IPO7: variants seen among roughly 807,000 people sequenced by gnomAD.
The protein encoded by IPO7 is importin 7, also known as importin-7.
IPO7 carries 13 observed loss-of-function variants against 136.4 expected under a neutral mutation model. That is an observed-to-expected ratio of 0.10 (90% confidence interval 0.06 to 0.15). IPO7 has a LOEUF of 0.15. Among genes scored for constraint, IPO7 ranks in the 10% least tolerant of loss-of-function variants. IPO7 has a pLI of 1.00. For missense variants in IPO7, 857 were observed against 1,240.6 expected, an observed-to-expected ratio of 0.69 and a Z score of 4.65; for synonymous variants, 403 against 404.4, an observed-to-expected ratio of 1.00 and a Z score of 0.04.
At chr11:9,436,761 C>T (rs1855374529) in intron 20 of IPO7, among the ~76,000 whole-genome samples, 1 of 141,502 alleles carries the variant, frequency 7.1e-6, no homozygotes, top group Admixed American at 7.3e-5. Context: ...CTGCTGACTG[C>T]AACCAGATTC....
rs1855531028 is a variant in IPO7, at chr11:9,446,522, C to T, written c.*1328C>T. 1 of 152,138 alleles carries T rather than the reference C, an allele frequency of 6.6e-6. No homozygotes were observed. Among genetic ancestry groups the T allele is most frequent in the African/African-American group, 2.4e-5 (1 of 41,428 alleles). 9.4% of individuals were successfully genotyped at this position (152,138 alleles called of 1,614,324 possible). ...GAGGTTGGCTTGCTTCCCTCTCTTC[C>T]TAACTGCATGTTGAAAAATAAGCCG... On this transcript the variant is annotated 3_prime_UTR_variant, in exon 25 of 25. Coordinates refer to ENST00000379719, the MANE Select transcript of IPO7 (RefSeq NM_006391.3).
intron 3 of IPO7, among the ~76,000 whole-genome samples, chr11:9,409,499 C>T (rs575770708): frequency 6.6e-6 from 1 of 151,958 alleles, no homozygotes; most frequent in South Asian, 2.1e-4. Flanking sequence ...GTGGCCTCAG[C>T]CCCCGGAGTA....
chr11:9,427,510 T>A (rs911398479), intron 12 of IPO7, among the ~76,000 whole-genome samples: 2 of 152,198 alleles, frequency 1.3e-5, no homozygotes, highest in African/African-American at 4.8e-5. Flanking sequence ...TCCACCCGCC[T>A]CGGCTTCCCA....
chr11:9,410,424 T>G (rs1854952116), intron 4 of IPO7, among the ~76,000 whole-genome samples: 1 of 152,188 alleles, frequency 6.6e-6, no homozygotes, highest in African/African-American at 2.4e-5. Flanking sequence ...CAGAATACAT[T>G]GAGGATTAAA....
chr11:9,418,983 T>TA (rs772058002), intron 6 of IPO7, among the ~76,000 whole-genome samples: 11 of 152,252 alleles, frequency 7.2e-5, no homozygotes, highest in Non-Finnish European at 1.6e-4. Context: ...ATTGTATAGA[T>TA]ATATCACAAT....
At chr11:9,414,839 TG>T (rs1285971790) in intron 5 of IPO7, among the ~76,000 whole-genome samples, 1 of 151,902 alleles carries the variant, frequency 6.6e-6, no homozygotes, top group African/African-American at 2.4e-5. Context: ...TTGGTCATGC[TG>T]GTCTCGAACT....
intron 6 of IPO7, 41 bp from the exon 7 acceptor site, chr11:9,420,370 T>C (rs1855109884): frequency 4.7e-6 from 6 of 1,265,832 alleles, no homozygotes; most frequent in African/African-American, 1.5e-5. Flanking sequence ...GTTCCTCCTA[T>C]ATTGTATTAT....
At chr11:9,387,136 GAAGA>G (rs1854562039) in intron 1 of IPO7, among the ~76,000 whole-genome samples, 1 of 152,204 alleles carries the variant, frequency 6.6e-6, no homozygotes, top group African/African-American at 2.4e-5. Flanking sequence ...TTGCTTTGGA[GAAGA>G]TAGAAGAACG....
At chr11:9,441,576 G>A (rs1481325493) in intron 23 of IPO7, among the ~76,000 whole-genome samples, 1 of 152,190 alleles carries the variant, frequency 6.6e-6, no homozygotes. Context: ...AGCACAAAGT[G>A]CTGGTTTCTG....
At chr11:9,435,126 C>T (rs1855352065) in intron 19 of IPO7, 95 bp downstream of exon 19, 2 of 750,424 alleles carry the variant, frequency 2.7e-6, no homozygotes, top group Admixed American at 4.6e-5. Flanking sequence ...TAGTAATAAA[C>T]ATGTAAACAT....
chr11:9,420,287 T>C (rs1344864117), intron 6 of IPO7, 124 bp from the exon 7 acceptor site: 2 of 632,076 alleles, frequency 3.2e-6, no homozygotes, highest in Admixed American at 2.9e-5. Context: ...AGAGCAAGAC[T>C]CCATCTCAAA....
chr11:9,428,667 T>C, intron 13 of IPO7, 38 bp downstream of exon 13: 1 of 1,062,700 alleles, frequency 9.4e-7, no homozygotes, highest in East Asian at 2.4e-5. Context: ...TACTTTTGTC[T>C]TGTAATGAAT....
chr11:9,389,260 G>A (rs988005906), intron 1 of IPO7, among the ~76,000 whole-genome samples: 1 of 152,012 alleles, frequency 6.6e-6, no homozygotes, highest in Non-Finnish European at 1.5e-5. Flanking sequence ...CATTGCCCAG[G>A]CTGGTCTCGA....
intron 15 of IPO7, chr11:9,430,225 A>G (rs1855274532): frequency 6.2e-6 from 1 of 160,286 alleles, no homozygotes; most frequent in African/African-American, 2.4e-5. Context: ...CTTATAGTAG[A>G]TATTTCACAG....
In IPO7 at chr11:9,438,642, A is replaced by T. The variant is rs560446083; in HGVS notation, c.2695+357A>T. 2.6e-5 allele frequency among the ~76,000 whole-genome samples: 4 copies of T among 152,066 alleles called. No homozygotes were observed. The South Asian group carries it at 8.3e-4, about 32-fold the overall frequency. On this transcript the variant is annotated intron_variant, in intron 22 of 24. Coordinates refer to ENST00000379719, the MANE Select transcript of IPO7 (RefSeq NM_006391.3). ...TCCATCTCAGATTAAAAAAAAATAT[A>T]TATATATATCACTAGCCCTTCTCCC...
At chr11:9,438,362 C>T in intron 22 of IPO7, 77 bp downstream of exon 22, 3 of 918,550 alleles carry the variant, frequency 3.3e-6, no homozygotes, top group African/African-American at 1.6e-5. Context: ...CGCAGTGGCT[C>T]AGGCCTGTAA....
intron 10 of IPO7, among the ~76,000 whole-genome samples, chr11:9,424,201 A>G (rs1855171886): frequency 6.6e-6 from 1 of 152,214 alleles, no homozygotes; most frequent in South Asian, 2.1e-4. Context: ...GAAATGAGAA[A>G]ACACATCTAG....
chr11:9,431,094 T>G, intron 16 of IPO7, 91 bp downstream of exon 16: 1 of 994,824 alleles, frequency 1.0e-6, no homozygotes, highest in Non-Finnish European at 1.5e-6. Context: ...TGTACCATGT[T>G]TTTGCCATTT....
chr11:9,435,951 C>A (rs959079258), intron 19 of IPO7, among the ~76,000 whole-genome samples: 1 of 152,166 alleles, frequency 6.6e-6, no homozygotes, highest in Non-Finnish European at 1.5e-5. Flanking sequence ...GTTTTAGCTA[C>A]CACCTGTGTA....
Sources: allele counts gnomAD v4.1 joint callset (sites outside exome capture counted in the v4.1 genomes callset), GRCh38; gene constraint gnomAD v4.1.1; transcripts MANE v1.5; gene names NCBI Gene and HGNC (gene_info 2026-07-23, HGNC 2026-07-21).